The following CDH4 variants were observed in gnomAD, a reference collection of about 807,000 sequenced individuals.
The protein encoded by CDH4 is cadherin 4.
Under a neutral mutation model 86.0 loss-of-function variants are expected in CDH4, and 33 were observed. The ratio of observed to expected loss-of-function variants is 0.38; its 90% confidence interval spans 0.29 to 0.51. CDH4 has a LOEUF of 0.51. CDH4 is among the 20% of genes least tolerant of loss of function. The probability of loss-of-function intolerance (pLI) is 0.86; values close to 1 mark genes in which losing one functional copy is unlikely to be tolerated. For synonymous variants in CDH4, 555 were observed against 549.4 expected (o/e 1.01, Z -0.14); for missense variants, 1,114 against 1,307.4 (o/e 0.85, Z 2.28).
chr20:61,690,944 AC>A (rs1247926274), intron 2 of CDH4, among the ~76,000 whole-genome samples: 6 of 150,734 alleles, frequency 4.0e-5, no homozygotes, highest in African/African-American at 9.8e-5. Flanking sequence ...AGCCTTGCAG[AC>A]CCCCCGCCCC....
intron 2 of CDH4, among the ~76,000 whole-genome samples, chr20:61,425,624 C>T (rs1438531003): frequency 1.3e-5 from 2 of 152,252 alleles, no homozygotes; most frequent in East Asian, 1.9e-4. Context: ...GAAAACAGGG[C>T]GGCAGCGCAC....
intron 2 of CDH4, among the ~76,000 whole-genome samples, chr20:61,590,633 C>T (rs2086511637): frequency 6.6e-6 from 1 of 152,114 alleles, no homozygotes; most frequent in East Asian, 1.9e-4. Context: ...CTTCCCTCTG[C>T]CAGGCTCTGA....
intron 2 of CDH4, among the ~76,000 whole-genome samples, chr20:61,645,463 C>T (rs1470590693): frequency 6.6e-6 from 1 of 151,608 alleles, no homozygotes; most frequent in Admixed American, 6.6e-5. Flanking sequence ...TTCATCTCTA[C>T]AAAAATTTTT....
At chr20:61,565,732 G>T (rs796167528) in intron 2 of CDH4, among the ~76,000 whole-genome samples, 1 of 152,176 alleles carries the variant, frequency 6.6e-6, no homozygotes, top group South Asian at 2.1e-4. Context: ...CACAATGCAG[G>T]GAAAGGCTCC....
Position 61,807,710 on chromosome 20 carries a change from T to G in CDH4, c.576+34528T>G, listed in dbSNP as rs1182766340. ...TGGACGGCTCTTCAGACTCAAACGG[T>G]GTGATGAACAAACCGACTCGGAAAA... On this transcript the variant is annotated intron_variant, in intron 4 of 15. Coordinates refer to ENST00000614565, the MANE Select transcript of CDH4 (RefSeq NM_001794.5). This position sits in a 1 kb window ranked among gnomAD's most constrained non-coding sequence, Gnocchi z 4.5. Among the ~76,000 whole-genome samples the G allele has an allele frequency of 1.3e-5, 2 of 151,838 alleles. No homozygotes were observed. The highest frequency in any genetic ancestry group is 2.4e-5 in the African/African-American group (1 of 41,298).
At position 61,928,339 on chromosome 20, in the gene CDH4, G is replaced by A. The variant is rs143694141; in HGVS notation, c.1921G>A (p.Asp641Asn). The A allele has an allele frequency of 6.6e-5, 107 of 1,611,134 alleles. 1 individual carries two copies. The African/African-American group carries it at 9.6e-4, about 14-fold the overall frequency. The change falls in exon 12 of 16, where the codon GAC becomes AAC. Residue 641 changes from aspartate to asparagine, a missense_variant. Transcript: ENST00000614565. ...INITAADADV[D>N]PNIGPYVFEL... ...CATCACGGCGGCCGACGCTGACGTC[G>A]ACCCCAACATCGGCCCCTACGTCTT...
At chr20:61,923,332 C>A in intron 9 of CDH4, 119 bp from the exon 10 acceptor site, 1 of 979,396 alleles carries the variant, frequency 1.0e-6, no homozygotes, top group South Asian at 1.4e-5. Context: ...AAGAGCAGAG[C>A]AGAGAAGAGC....
At position 61,726,595 on chromosome 20, in the gene CDH4, A is replaced by G. The variant is rs578030711; in HGVS notation, c.170-16968A>G. ...TCATCATCATTATGCCATCACCACC[A>G]TTGCTGCCATCATCACCATCACTGC... is the stretch of plus-strand genomic sequence containing the variant. On this transcript the variant is annotated intron_variant, in intron 2 of 15. Coordinates refer to ENST00000614565, the MANE Select transcript of CDH4 (RefSeq NM_001794.5). 3.9e-4 allele frequency among the ~76,000 whole-genome samples: 59 copies of G among 152,036 alleles called. 1 individual carries two copies. In the South Asian group the frequency reaches 0.012, roughly 31 times the overall value.
At chr20:61,348,317 T>C (rs1465175518) in intron 2 of CDH4, among the ~76,000 whole-genome samples, 2 of 152,156 alleles carry the variant, frequency 1.3e-5, no homozygotes, top group East Asian at 3.9e-4. Context: ...CCATGAGACT[T>C]ATTCGCTATC....
At chr20:61,256,652 C>G (rs907283532) in intron 2 of CDH4, among the ~76,000 whole-genome samples, 1 of 152,158 alleles carries the variant, frequency 6.6e-6, no homozygotes, top group Non-Finnish European at 1.5e-5. Flanking sequence ...TGAATCTGGA[C>G]CAGCTCAGAC....
intron 2 of CDH4, among the ~76,000 whole-genome samples, chr20:61,457,582 A>G (rs1160924049): frequency 6.6e-6 from 1 of 151,876 alleles, no homozygotes; most frequent in African/African-American, 2.4e-5. Flanking sequence ...CACCATGGTG[A>G]TGGTACGATG....
chr20:61,391,122 C>G (rs571711257), intron 2 of CDH4, among the ~76,000 whole-genome samples: 1 of 152,080 alleles, frequency 6.6e-6, no homozygotes, highest in Non-Finnish European at 1.5e-5. Context: ...AAGGTCTGCA[C>G]GCAGCCTCAG....
intron 2 of CDH4, among the ~76,000 whole-genome samples, chr20:61,711,406 A>G (rs977846387): frequency 6.6e-6 from 1 of 152,236 alleles, no homozygotes; most frequent in Non-Finnish European, 1.5e-5. Context: ...CTTGCAGGCT[A>G]GCCAAGTAGT....
chr20:61,808,226 C>T (rs1211028782), intron 4 of CDH4, among the ~76,000 whole-genome samples: 3 of 152,070 alleles, frequency 2.0e-5, no homozygotes, highest in Admixed American at 6.5e-5. Flanking sequence ...CAAAATCACC[C>T]CGTCTCAGCC....
chr20:61,887,992 T>A (rs543196333), intron 7 of CDH4, among the ~76,000 whole-genome samples: 1 of 152,344 alleles, frequency 6.6e-6, no homozygotes, highest in Non-Finnish European at 1.5e-5. Context: ...CCCCTGCAGC[T>A]TCAATTTCCA....
intron 4 of CDH4, among the ~76,000 whole-genome samples, chr20:61,785,426 AG>A (rs1223896694): frequency 2.6e-5 from 4 of 152,076 alleles, no homozygotes; most frequent in African/African-American, 4.8e-5. Context: ...CTGCTGGAGG[AG>A]TGGATGGTGA....
Position 61,614,925 on chromosome 20 carries a change from C to T in CDH4, c.170-128638C>T, listed in dbSNP as rs910385895. ...CTCCCAGCCCAGCCTCCCAGCACTG[C>T]GAGAGCTGCTTCAGCCCTGCTGTCC... is the stretch of plus-strand genomic sequence containing the variant. On this transcript the variant is annotated intron_variant, in intron 2 of 15. Coordinates refer to ENST00000614565, the MANE Select transcript of CDH4 (RefSeq NM_001794.5). Among the ~76,000 whole-genome samples, 9 of 152,118 alleles carry T rather than the reference C, an allele frequency of 5.9e-5. No homozygotes were observed. In the East Asian group the frequency reaches 1.7e-3, roughly 30 times the overall value.
chr20:61,282,913 G>A lies in CDH4; in HGVS notation c.169+27976G>A, dbSNP rs112374224. ...TTTGCACGCGTGTGCTGTGGCGTGT[G>A]TGATGTACGTGCATTTGCACGCGTG... On this transcript the variant is annotated intron_variant, in intron 2 of 15. Coordinates refer to ENST00000614565, the MANE Select transcript of CDH4 (RefSeq NM_001794.5). Among the ~76,000 whole-genome samples, 310 of 151,084 alleles carry A rather than the reference G, an allele frequency of 2.1e-3. 4 individuals are homozygous for A. The highest frequency in any genetic ancestry group is 7.3e-3 in the African/African-American group (297 of 40,540).
intron 11 of CDH4, among the ~76,000 whole-genome samples, chr20:61,925,516 G>A (rs1454440662): frequency 2.0e-5 from 3 of 152,204 alleles, no homozygotes; most frequent in African/African-American, 7.2e-5. Context: ...GCTCCTGTTT[G>A]CTGCGGCCGT....
Sources: gnomAD v4.1 joint callset for allele counts (sites outside exome capture counted in the v4.1 genomes callset) on GRCh38, gnomAD v4.1.1 for gene constraint, Gnocchi (gnomAD v3.1) non-coding constraint, MANE v1.5 for transcripts, NCBI Gene and HGNC (gene_info 2026-07-23, HGNC 2026-07-21) for gene names.